Variants in MYH1 observed in about 807,000 individuals in gnomAD.
The protein encoded by MYH1 is myosin heavy chain 1.
MYH1 carries 214 observed loss-of-function variants against 225.6 expected under a neutral mutation model. The observed-to-expected ratio is 0.95, with a 90% CI of 0.85 to 1.06. The LOEUF (loss-of-function observed/expected upper bound fraction) is 1.06, where lower values mean the gene tolerates loss of function less well. Ranked by LOEUF, MYH1 falls within the 50% of genes least tolerant of loss-of-function variation. MYH1 has a pLI of 0.00. For synonymous variants in MYH1, 774 were observed against 842.3 expected, an observed-to-expected ratio of 0.92 and a Z score of 1.40; for missense variants, 2,098 against 2,344.2, an observed-to-expected ratio of 0.89 and a Z score of 2.17.
rs116460557 is a variant in MYH1 at position 10,506,794 on chromosome 17, C to T, written c.1969-695G>A. On this transcript the variant is annotated intron_variant, in intron 17 of 39. Coordinates refer to ENST00000226207, the MANE Select transcript of MYH1 (RefSeq NM_005963.4). ...AGGCATGAGCCATGGTGCCCAGTCA[C>T]ACTCACTTCTTTCTTTACCTGACTT... Among the ~76,000 whole-genome samples, 1,298 of 152,200 alleles carry T rather than the reference C, an allele frequency of 8.5e-3. 23 individuals carry two copies. The highest frequency in any genetic ancestry group is 0.03 in the African/African-American group (1,240 of 41,540).
chr17:10,501,015 G>A (rs2073048442), intron 27 of MYH1, 95 bp downstream of exon 27: 13 of 1,554,402 alleles, frequency 8.4e-6, no homozygotes, highest in Non-Finnish European at 1.1e-5. Context: ...AAGGGTGCCT[G>A]ATTTAGTTCA....
At chr17:10,493,451 A>G (rs2072955630) in intron 39 of MYH1, among the ~76,000 whole-genome samples, 1 of 152,190 alleles carries the variant, frequency 6.6e-6, no homozygotes, top group Non-Finnish European at 1.5e-5. Context: ...AACTATGAAT[A>G]TTTATATGTA....
Position 10,508,635 on chromosome 17 carries a change from A to C in MYH1, c.1625T>G (p.Met542Arg). The C allele has an allele frequency of 2.5e-6, 4 of 1,614,156 alleles. No homozygotes were observed. Among genetic ancestry groups the C allele is most frequent in the Non-Finnish European group, 3.4e-6 (4 of 1,179,998 alleles). The change falls in exon 16 of 40, where the codon ATG becomes AGG. Residue 542 changes from methionine to arginine, a missense_variant. Physicochemically the swap from Met to Arg is moderately conservative, Grantham distance 91. Coordinates refer to ENST00000226207, the MANE Select transcript of MYH1 (RefSeq NM_005963.4). ...GGAGGTGTCTGTCGCCTTGGGGAAC[A>C]TGCACTCCTCTTCCAGGATGGAGAA... ...GIFSILEEEC[M>R]FPKATDTSFK...
intron 24 of MYH1, among the ~76,000 whole-genome samples, chr17:10,502,488 A>C (rs752256529): frequency 5.3e-5 from 8 of 152,140 alleles, no homozygotes; most frequent in Non-Finnish European, 8.8e-5. Context: ...TTTCTTTGTG[A>C]ACACATTAAC....
At chr17:10,507,755 C>T in intron 17 of MYH1, 131 bp downstream of exon 17, 2 of 759,660 alleles carry the variant, frequency 2.6e-6, no homozygotes, top group South Asian at 1.8e-5. Context: ...CTCAGTCTTA[C>T]CACTACCAGC....
rs1412973961 is a variant in MYH1 at position 10,502,827 on chromosome 17, G to C, written c.3022C>G (p.Gln1008Glu). The change falls in exon 24 of 40, where the codon CAG becomes GAG. Residue 1008 changes from glutamine (Q) to glutamate (E), a missense_variant. Gln to Glu is a conservative substitution (Grantham distance 29). Transcript: ENST00000226207. ...KEKKALQEAH[Q>E]QTLDDLQAEE... is the part of the protein sequence containing the mutation. ...GCCTGCAGGTCATCCAGGGTCTGCT[G>C]GTGGGCCTCCTGGAGAGCCTTCTTC... 3.7e-6 allele frequency: 6 copies of C among 1,614,030 alleles called. No homozygotes were observed. The South Asian group carries it at 4.4e-5, about 12-fold the overall frequency.
chr17:10,497,537 A>T, intron 31 of MYH1, 85 bp from the exon 32 acceptor site: 11 of 1,523,854 alleles, frequency 7.2e-6, no homozygotes, highest in Non-Finnish European at 9.6e-6. Flanking sequence ...CTCAGAGTTG[A>T]GGTGTTCTGG....
intron 33 of MYH1, among the ~76,000 whole-genome samples, chr17:10,496,829 C>T (rs562022868): frequency 6.6e-6 from 1 of 152,246 alleles, no homozygotes; most frequent in South Asian, 2.1e-4. Context: ...GCTTTTATCT[C>T]CCTAGGTAGA....
intron 17 of MYH1, among the ~76,000 whole-genome samples, chr17:10,507,620 A>AT (rs1223034142): frequency 6.6e-6 from 1 of 152,074 alleles, no homozygotes; most frequent in Non-Finnish European, 1.5e-5. Flanking sequence ...CCAGAATCGA[A>AT]TTTTGCCGTC....
In MYH1 at chr17:10,501,574, G is replaced by A. The variant is rs886584475; in HGVS notation, c.3348+20C>T. ...AACTTTTCGATGTTAAATTAGCCTG[G>A]CGAAAATCATTTAACGTACTTGTAA... On this transcript the variant is annotated intron_variant, in intron 26 of 39. Transcript: ENST00000226207. 2 of 1,614,044 alleles carry A rather than the reference G, an allele frequency of 1.2e-6. No homozygotes were observed. Among genetic ancestry groups the A allele is most frequent in the African/African-American group, 1.3e-5 (1 of 74,900 alleles).
intron 15 of MYH1, 87 bp from the exon 16 acceptor site, chr17:10,508,759 T>A: frequency 4.0e-6 from 6 of 1,504,424 alleles, no homozygotes; most frequent in Non-Finnish European, 5.4e-6. Flanking sequence ...CCCATCTGAG[T>A]AAATTCATCC....
At chr17:10,509,731 T>C in intron 14 of MYH1, 76 bp from the exon 15 acceptor site, 10 of 1,612,660 alleles carry the variant, frequency 6.2e-6, no homozygotes, top group Non-Finnish European at 8.5e-6. Flanking sequence ...TTTTTTTAGT[T>C]AGCCAAATTG....
chr17:10,508,264 C>T, intron 16 of MYH1, 99 bp downstream of exon 16: 1 of 1,352,296 alleles, frequency 7.4e-7, no homozygotes, highest in East Asian at 2.3e-5. Flanking sequence ...GGCAATCTAC[C>T]CACCTTGGCC....
At position 10,500,696 on chromosome 17, in the gene MYH1, G is replaced by C. The variant is rs2073044594; in HGVS notation, c.3795C>G (p.Thr1265=). ...TCAGCCGCTGCTGCTCCTCTTCCTT[G>C]GTCTTAATTTCACTCAGTTGATCTT... ...ALEDQLSEIK[T]KEEEQQRLIN... Residue 1265 remains threonine, a synonymous_variant, in exon 28 of 40, where the codon ACC becomes ACG. Transcript: ENST00000226207. 6.2e-7 allele frequency: 1 copy of C among 1,614,014 alleles called. No homozygotes were observed.
Position 10,505,285 on chromosome 17 carries a change from A to G in MYH1, c.2313T>C (p.Ala771=). Residue 771 remains alanine, a synonymous_variant, in exon 21 of 40, where the codon GCT becomes GCC. Coordinates refer to ENST00000226207, the MANE Select transcript of MYH1 (RefSeq NM_005963.4). ...TCTCCTCTAGGAGCCCCAGAAGACC[A>G]GCTTTGAAAAAGACCTATGTGTGGG... ...KFGHTKVFFK[A]GLLGLLEEMR... The G allele has an allele frequency of 1.2e-6, 2 of 1,614,214 alleles. No homozygotes were observed. The highest frequency in any genetic ancestry group is 1.7e-6 in the Non-Finnish European group (2 of 1,180,046).
Position 10,504,805 on chromosome 17 carries a change from C to G in MYH1, c.2691+5G>C. On this transcript the variant is annotated splice_donor_5th_base_variant and intron_variant, in intron 22 of 39. Transcript: ENST00000226207. ...GATTGCAGGAAATGACTTCGGGATA[C>G]TCACAGCTTGAACCTGGAGTTGCAA... is the stretch of plus-strand genomic sequence containing the variant. The G allele has an allele frequency of 1.9e-6, 3 of 1,613,658 alleles. No individual in the cohort carries two copies. The highest frequency in any genetic ancestry group is 2.2e-5 in the East Asian group (1 of 44,886).
chr17:10,515,264 T>G (rs961441669), intron 5 of MYH1, among the ~76,000 whole-genome samples: 2 of 152,128 alleles, frequency 1.3e-5, no homozygotes, highest in Non-Finnish European at 2.9e-5. Flanking sequence ...GAGAAAAAAT[T>G]TACTATCTTA....
At chr17:10,498,263 T>G (rs960764148) in intron 30 of MYH1, among the ~76,000 whole-genome samples, 5 of 152,254 alleles carry the variant, frequency 3.3e-5, no homozygotes, top group Admixed American at 3.3e-4. Flanking sequence ...CACATAATTT[T>G]AATCCCCAGA....
chr17:10,497,458 G>T lies in MYH1; in HGVS notation c.4366-6C>A. The T allele has an allele frequency of 6.3e-7, 1 of 1,596,098 alleles. No individual in the cohort carries two copies. Among genetic ancestry groups the T allele is most frequent in the Non-Finnish European group, 8.5e-7 (1 of 1,176,016 alleles). The stretch of plus-strand genomic sequence containing the variant: ...TGTTTCCATTCTGCCAGGATCTGAA[G>T]GTCAAGGAATGGACAAGAAATTTAG... On this transcript the variant is annotated splice_polypyrimidine_tract_variant and splice_region_variant and intron_variant, in intron 31 of 39. Transcript: ENST00000226207.
Sources: gnomAD v4.1 joint callset for allele counts (sites outside exome capture counted in the v4.1 genomes callset) on GRCh38, gnomAD v4.1.1 for gene constraint, MANE v1.5 for transcripts, NCBI Gene and HGNC (gene_info 2026-07-23, HGNC 2026-07-21) for gene names.